The following UNC13A variants were observed in gnomAD, a reference collection of about 807,000 sequenced individuals.
UNC13A encodes unc-13 homolog A, also known as protein unc-13 homolog A.
Under a neutral mutation model 219.7 loss-of-function variants are expected in UNC13A, and 61 were observed. The ratio of observed to expected loss-of-function variants is 0.28; its 90% confidence interval spans 0.23 to 0.34. The LOEUF is 0.34. Ranked by LOEUF, UNC13A falls within the 10% of genes least tolerant of loss-of-function variation. UNC13A has a pLI of 1.00. For synonymous variants in UNC13A, 920 were observed against 884.6 expected (o/e 1.04, Z -0.71); for missense variants, 1,476 against 2,270.3 (o/e 0.65, Z 7.11).
At chr19:17,687,743 CGCGTCCATGAG>C (rs1354086413) in intron 1 of UNC13A, among the ~76,000 whole-genome samples, 5 of 152,104 alleles carry the variant, frequency 3.3e-5, no homozygotes, top group South Asian at 2.1e-4. Context: ...CAGCCGGGTC[CGCGTCCATGAG>C]GACCCGTAAC....
chr19:17,675,084 T>C (rs1365577170), intron 2 of UNC13A, among the ~76,000 whole-genome samples: 18 of 152,096 alleles, frequency 1.2e-4, no homozygotes, highest in Admixed American at 1.2e-3. Flanking sequence ...TGCCAGCACT[T>C]TGGGAGGTCA....
intron 42 of UNC13A, among the ~76,000 whole-genome samples, chr19:17,611,558 GC>G (rs1434141407): frequency 6.6e-6 from 1 of 152,206 alleles, no homozygotes; most frequent in Admixed American, 6.5e-5. Flanking sequence ...GGAAAGCAGG[GC>G]TGAGAGATGG....
At chr19:17,646,197 T>C in intron 17 of UNC13A, 86 bp from the exon 18 acceptor site, 2 of 1,554,600 alleles carry the variant, frequency 1.3e-6, no homozygotes, top group Non-Finnish European at 1.7e-6. Flanking sequence ...TGCAGGCTGA[T>C]AATTGGGACA....
At chr19:17,613,518 A>G (rs1359560127) in intron 41 of UNC13A, among the ~76,000 whole-genome samples, 1 of 151,844 alleles carries the variant, frequency 6.6e-6, no homozygotes, top group Non-Finnish European at 1.5e-5. Flanking sequence ...GCCCTTTCCA[A>G]TAGGTTACTA....
rs2076803785 is a variant in UNC13A, at chr19:17,628,191, G to A, written c.3754-251C>T. The stretch of plus-strand genomic sequence containing the variant: ...ATCCCACGACCCCAGGCCTGGTGGG[G>A]GGTCCATGAGAGGGGCTGGGAACTC... On this transcript the variant is annotated intron_variant, in intron 31 of 43. Transcript: ENST00000519716. 7.4e-6 allele frequency: 4 copies of A among 542,094 alleles called. No individual in the cohort carries two copies. The South Asian group carries it at 9.5e-5, about 13-fold the overall frequency. 33.6% of individuals were successfully genotyped at this position (542,094 alleles called of 1,614,324 possible). A position where few individuals can be genotyped will look rare whatever the true frequency, so the allele number is the denominator to read the frequency against.
chr19:17,662,497 C>T (rs1159298858), intron 8 of UNC13A, among the ~76,000 whole-genome samples: 1 of 152,048 alleles, frequency 6.6e-6, no homozygotes, highest in Non-Finnish European at 1.5e-5. Context: ...AAATAAAGTG[C>T]ACAACAAATG....
intron 12 of UNC13A, among the ~76,000 whole-genome samples, chr19:17,650,905 C>G (rs1402405745): frequency 6.7e-6 from 1 of 150,214 alleles, no homozygotes; most frequent in African/African-American, 2.5e-5. Context: ...TAGCTGGGAC[C>G]ATAGGTGTAC....
rs192602097 is a variant in UNC13A at position 17,669,728 on chromosome 19, C to T, written c.271-52G>A. On this transcript the variant is annotated intron_variant, in intron 4 of 43. Transcript: ENST00000519716. Reference sequence around the variant, plus strand: ...GGTCAGGAATCTGCTGGTCACTAGTCCCCAGGGCCCCTACTCTCGCATGAG... The same window carrying T: ...GGTCAGGAATCTGCTGGTCACTAGTTCCCAGGGCCCCTACTCTCGCATGAG... 8.9e-4 allele frequency: 1,385 copies of T among 1,549,758 alleles called. 13 individuals carry two copies. The African/African-American group carries it at 0.017, about 19-fold the overall frequency.
chr19:17,606,583 C>G (rs1005551205), intron 43 of UNC13A, among the ~76,000 whole-genome samples: 1 of 152,086 alleles, frequency 6.6e-6, no homozygotes, highest in African/African-American at 2.4e-5. Flanking sequence ...GCCTGTTCTT[C>G]CCATTTTTCC....
In UNC13A at chr19:17,663,543, C is replaced by A; in HGVS notation, c.548G>T (p.Gly183Val). Residue 183 changes from glycine to valine, a missense_variant, in exon 8 of 44, where the codon GGT becomes GTT. By Grantham distance (109) the Gly-to-Val change is moderately radical. Around this residue, in one of 14 missense-constraint regions of UNC13A, gnomAD observed 203 missense variants for 301.6 expected, o/e 0.67. Transcript: ENST00000519716. ...GGCTGAGTACTTACTGTGCTGCTCA[C>A]CCCAGCCAAAATAATTCCAGTTGCC... is the stretch of plus-strand genomic sequence containing the variant. ...QCCNWNYFGWGEQHNDDPDSA... is the reference protein window; with the variant it reads ...QCCNWNYFGWVEQHNDDPDSA... The A allele has an allele frequency of 1.2e-6, 2 of 1,612,666 alleles. No homozygotes were observed. The highest frequency in any genetic ancestry group is 1.7e-6 in the Non-Finnish European group (2 of 1,179,426).
chr19:17,639,697 G>T (rs2145037094), intron 23 of UNC13A, 143 bp downstream of exon 23: 2 of 1,140,296 alleles, frequency 1.8e-6, no homozygotes, highest in Non-Finnish European at 2.5e-6. Flanking sequence ...GGCAGGTAGT[G>T]CCCATGCAGG....
chr19:17,676,290 G>C, intron 1 of UNC13A: 21 of 617,320 alleles, frequency 3.4e-5, no homozygotes, highest in Middle Eastern at 4.0e-4. Context: ...GGGAGAGAGA[G>C]AAGCCATCAG....
At chr19:17,626,515 A>G (rs979380570) in intron 34 of UNC13A, 118 bp downstream of exon 34, 2 of 1,170,886 alleles carry the variant, frequency 1.7e-6, no homozygotes, top group Admixed American at 6.5e-5. Flanking sequence ...CAGCCATCCA[A>G]CTATCCAGTG....
intron 9 of UNC13A, among the ~76,000 whole-genome samples, chr19:17,657,723 G>A (rs1363782076): frequency 1.3e-5 from 2 of 152,002 alleles, no homozygotes; most frequent in African/African-American, 2.4e-5. Context: ...AAATAAATTA[G>A]CTTGGTGTGG....
intron 6 of UNC13A, 125 bp from the exon 7 acceptor site, chr19:17,666,829 G>A (rs571993347): frequency 3.8e-6 from 2 of 527,928 alleles, no homozygotes; most frequent in South Asian, 7.3e-5. Flanking sequence ...CCCTCTCTAT[G>A]AGAAGGATAC....
At position 17,646,112 on chromosome 19, in the gene UNC13A, C is replaced by T; in HGVS notation, c.2045-1G>A. Reference sequence around the variant, plus strand: ...GCCTGCAAGCCCTGGGCGCAGACCACTGGAAGACACAGAGGGCATACACAG... The same window carrying T: ...GCCTGCAAGCCCTGGGCGCAGACCATTGGAAGACACAGAGGGCATACACAG... On this transcript the variant is annotated splice_acceptor_variant, in intron 17 of 43. Coordinates refer to ENST00000519716, the MANE Select transcript of UNC13A (RefSeq NM_001080421.3). LOFTEE classifies it high-confidence loss of function. The T allele has an allele frequency of 6.2e-7, 1 of 1,613,642 alleles. No individual in the cohort carries two copies. The highest frequency in any genetic ancestry group is 8.5e-7 in the Non-Finnish European group (1 of 1,179,900).
intron 27 of UNC13A, 89 bp downstream of exon 27, chr19:17,633,019 A>G: frequency 1.9e-6 from 3 of 1,606,068 alleles, no homozygotes; most frequent in Non-Finnish European, 2.6e-6. Context: ...GCATGAGGGT[A>G]TTATAGGGTG....
rs561234792 is a variant in UNC13A at position 17,643,131 on chromosome 19, C to A, written c.2357-171G>T. ...GGTTCAAGCGATTCTCCTGTCTCAG[C>A]CTCCCAACTAGCTGGAATTACAGGT... On this transcript the variant is annotated intron_variant, in intron 19 of 43. Coordinates refer to ENST00000519716, the MANE Select transcript of UNC13A (RefSeq NM_001080421.3). 1.2e-4 allele frequency among the ~76,000 whole-genome samples: 18 copies of A among 152,172 alleles called. No homozygotes were observed. In the East Asian group the frequency reaches 3.5e-3, roughly 29 times the overall value.
In UNC13A at chr19:17,630,203, TTGA is replaced by T. The variant is rs1230678824; in HGVS notation, c.3608_3610del (p.Ile1203del). 1 of 1,552,742 alleles carries T rather than the reference TTGA, an allele frequency of 6.4e-7. No homozygotes were observed. Among genetic ancestry groups the T allele is most frequent in the African/African-American group, 1.4e-5 (1 of 73,068 alleles). ...CTGAGGGTCGGGACACTCGAGTTTC[TTGA>T]TGATTTCAAAGCTCTGGTTGAGTTG... On this transcript the variant is annotated inframe_deletion, in exon 30 of 44. Coordinates refer to ENST00000519716, the MANE Select transcript of UNC13A (RefSeq NM_001080421.3).
Sources: gnomAD v4.1 joint callset for allele counts (sites outside exome capture counted in the v4.1 genomes callset) on GRCh38, gnomAD v4.1.1 for gene constraint, gnomAD v4.1.1 regional missense constraint, MANE v1.5 for transcripts, NCBI Gene and HGNC (gene_info 2026-07-23, HGNC 2026-07-21) for gene names.